ZCCHC4: variants seen among roughly 807,000 people sequenced by gnomAD.
The protein encoded by ZCCHC4 is zinc finger CCHC-type containing 4.
ZCCHC4 carries 54 observed loss-of-function variants against 67.7 expected under a neutral mutation model. That is an observed-to-expected ratio of 0.80 (90% CI 0.64 to 1.00). The LOEUF is 1.00. Ranked by LOEUF, ZCCHC4 falls within the 50% of genes least tolerant of loss-of-function variation. The pLI, the probability that ZCCHC4 is intolerant of heterozygous loss-of-function variation, is 0.00. For missense variants in ZCCHC4, 609 were observed against 617.0 expected, an observed-to-expected ratio of 0.99 and a Z score of 0.14; for synonymous variants, 198 against 213.5, an observed-to-expected ratio of 0.93 and a Z score of 0.63.
chr4:25,329,084 G>A (rs1719040494), intron 3 of ZCCHC4, among the ~76,000 whole-genome samples: 1 of 152,024 alleles, frequency 6.6e-6, no homozygotes, highest in Non-Finnish European at 1.5e-5. Flanking sequence ...CTGCTGAGGA[G>A]GCTGAGGTGG....
At chr4:25,333,669 A>C (rs1719302244) in intron 4 of ZCCHC4, among the ~76,000 whole-genome samples, 1 of 152,212 alleles carries the variant, frequency 6.6e-6, no homozygotes, top group African/African-American at 2.4e-5. Flanking sequence ...ATGAGAGAAG[A>C]TTCTTTCTGA....
chr4:25,327,265 G>C (rs1330431209), intron 3 of ZCCHC4, among the ~76,000 whole-genome samples: 1 of 152,172 alleles, frequency 6.6e-6, no homozygotes, highest in African/African-American at 2.4e-5. Flanking sequence ...CTTTGTCCCA[G>C]TCTTGGGGAA....
intron 3 of ZCCHC4, among the ~76,000 whole-genome samples, chr4:25,332,868 A>C (rs1364029420): frequency 6.6e-6 from 1 of 152,212 alleles, no homozygotes; most frequent in Non-Finnish European, 1.5e-5. Context: ...TTTAAACTTG[A>C]TAGTAGTTGT....
intron 10 of ZCCHC4, 136 bp downstream of exon 10, chr4:25,362,437 A>G (rs536914151): frequency 6.0e-6 from 3 of 501,816 alleles, no homozygotes; most frequent in African/African-American, 2.0e-5. Flanking sequence ...TAATTATGCT[A>G]TAATACAATA....
intron 11 of ZCCHC4, 99 bp downstream of exon 11, chr4:25,364,604 A>G: frequency 9.5e-7 from 1 of 1,055,758 alleles, no homozygotes; most frequent in Non-Finnish European, 1.4e-6. Flanking sequence ...CGAAAAAATA[A>G]TCAGTGTAGA....
At chr4:25,329,395 A>G (rs2667299) in intron 3 of ZCCHC4, among the ~76,000 whole-genome samples, 151,948 of 151,956 alleles carry the variant, frequency 1, 75,970 homozygotes, top group Middle Eastern at 1. Context: ...ATTTTGTATC[A>G]TTCTGAGACC....
rs1720631564 is a variant in ZCCHC4 at position 25,359,299 on chromosome 4, G to A, written c.1012-2560G>A. Among the ~76,000 whole-genome samples the A allele has an allele frequency of 6.6e-6, 1 of 152,214 alleles. No homozygotes were observed. Among genetic ancestry groups the A allele is most frequent in the African/African-American group, 2.4e-5 (1 of 41,460 alleles). On this transcript the variant is annotated intron_variant, in intron 8 of 12. Coordinates refer to ENST00000302874, the MANE Select transcript of ZCCHC4 (RefSeq NM_024936.3). This position sits in a 1 kb window ranked among gnomAD's most constrained non-coding sequence, Gnocchi z 4.9. ...ACACACCCAGTCCCTGAGGGATGCA[G>A]TACAGATAAGGGCCCACCAGGTACA... is the stretch of plus-strand genomic sequence containing the variant.
chr4:25,368,270 C>T (rs1721021444), intron 12 of ZCCHC4, among the ~76,000 whole-genome samples: 1 of 152,152 alleles, frequency 6.6e-6, no homozygotes, highest in Non-Finnish European at 1.5e-5. Context: ...CTGGCCCCTT[C>T]CTTGGTTCTC....
rs561541640 is a variant in ZCCHC4 at position 25,369,590 on chromosome 4, C to T, written c.*426C>T. ...CTGGAATTATAGGCACATGCCACCACGACTGGCTAATTTTTGTATTTTTAG... is the reference window on the plus strand; with the variant it reads ...CTGGAATTATAGGCACATGCCACCATGACTGGCTAATTTTTGTATTTTTAG... On this transcript the variant is annotated 3_prime_UTR_variant, in exon 13 of 13. Transcript: ENST00000302874. 5 of 159,536 alleles carry T rather than the reference C, an allele frequency of 3.1e-5. No individual in the cohort carries two copies. The highest frequency in any genetic ancestry group is 1.9e-4 in the East Asian group (1 of 5,274). 9.9% of individuals were successfully genotyped at this position (159,536 alleles called of 1,614,324 possible).
At chr4:25,335,173 G>T (rs182263951) in intron 5 of ZCCHC4, among the ~76,000 whole-genome samples, 108 of 152,310 alleles carry the variant, frequency 7.1e-4, no homozygotes, top group African/African-American at 2.2e-3. Context: ...TGGGTCAGGT[G>T]TGGTGGCTTA....
At position 25,344,274 on chromosome 4, in the gene ZCCHC4, A is replaced by G. The variant is rs184717624; in HGVS notation, c.687-1274A>G. On this transcript the variant is annotated intron_variant, in intron 5 of 12. Coordinates refer to ENST00000302874, the MANE Select transcript of ZCCHC4 (RefSeq NM_024936.3). Reference sequence around the variant, plus strand: ...TTAAAATACTGTGTTACCATGGAATACTATGCAGCCATAAAAAATGATGAG... The same window carrying G: ...TTAAAATACTGTGTTACCATGGAATGCTATGCAGCCATAAAAAATGATGAG... Among the ~76,000 whole-genome samples the G allele has an allele frequency of 3.3e-3, 497 of 152,234 alleles. 2 individuals are homozygous for G. The highest frequency in any genetic ancestry group is 0.012 in the African/African-American group (480 of 41,536).
At chr4:25,335,186 C>T (rs1012222921) in intron 5 of ZCCHC4, among the ~76,000 whole-genome samples, 2 of 152,150 alleles carry the variant, frequency 1.3e-5, no homozygotes. Context: ...GTGGCTTATG[C>T]TTATAATCCC....
intron 3 of ZCCHC4, among the ~76,000 whole-genome samples, chr4:25,318,107 T>G (rs1374501532): frequency 1.3e-5 from 2 of 152,192 alleles, no homozygotes; most frequent in Non-Finnish European, 2.9e-5. Flanking sequence ...CTCATCACCT[T>G]GGTCATTTTG....
At chr4:25,347,898 A>G (rs1036905203) in intron 6 of ZCCHC4, among the ~76,000 whole-genome samples, 2 of 152,210 alleles carry the variant, frequency 1.3e-5, no homozygotes, top group African/African-American at 4.8e-5. Flanking sequence ...AAAGAGTCAA[A>G]TTACTGTCAA....
chr4:25,357,018 T>A (rs1720546184), intron 8 of ZCCHC4, among the ~76,000 whole-genome samples: 1 of 152,216 alleles, frequency 6.6e-6, no homozygotes, highest in Non-Finnish European at 1.5e-5. Context: ...AGCAGAGGAC[T>A]ACAGCCTTAG....
intron 5 of ZCCHC4, 123 bp from the exon 6 acceptor site, chr4:25,345,421 ATTCT>A (rs1719960794): frequency 4.6e-6 from 3 of 653,030 alleles, no homozygotes; most frequent in African/African-American, 1.9e-5. Context: ...TTTGCAAATT[ATTCT>A]TTATTTCAAA....
At chr4:25,343,712 T>C (rs534491090) in intron 5 of ZCCHC4, among the ~76,000 whole-genome samples, 1 of 152,376 alleles carries the variant, frequency 6.6e-6, no homozygotes, top group South Asian at 2.1e-4. Context: ...GAGCCTCTGC[T>C]CTTAACCACA....
intron 5 of ZCCHC4, among the ~76,000 whole-genome samples, chr4:25,338,132 C>T (rs59971571): frequency 0.077 from 11,748 of 152,228 alleles, 515 homozygotes; most frequent in South Asian, 0.11. Context: ...TGCTCTGTCA[C>T]CTAAGCTGGA....
chr4:25,320,639 A>G (rs1347733208), intron 3 of ZCCHC4, among the ~76,000 whole-genome samples: 2 of 152,174 alleles, frequency 1.3e-5, no homozygotes, highest in Non-Finnish European at 2.9e-5. Context: ...CTCTCTACCA[A>G]CCTTTTAGAA....
Sources: allele counts gnomAD v4.1 joint callset (sites outside exome capture counted in the v4.1 genomes callset), GRCh38; gene constraint gnomAD v4.1.1; non-coding constraint Gnocchi (gnomAD v3.1); transcripts MANE v1.5; gene names NCBI Gene and HGNC (gene_info 2026-07-23, HGNC 2026-07-21).